Variants in RASGRP3 observed in about 807,000 individuals in gnomAD.
The protein encoded by RASGRP3 is RAS guanyl releasing protein 3.
Under a neutral mutation model 82.7 loss-of-function variants are expected in RASGRP3, and 54 were observed. The ratio of observed to expected loss-of-function variants is 0.65; its 90% CI spans 0.52 to 0.82. The LOEUF (loss-of-function observed/expected upper bound fraction) is 0.82. Among genes scored for constraint, RASGRP3 ranks in the 40% least tolerant of loss-of-function variants. The probability of loss-of-function intolerance (pLI) is 0.00; values close to 1 mark genes in which losing one functional copy is unlikely to be tolerated. For synonymous variants in RASGRP3, 309 were observed against 300.5 expected (o/e 1.03, Z -0.29); for missense variants, 861 against 828.9 (o/e 1.04, Z -0.48).
At chr2:33,499,220 G>A (rs1669622155) in intron 1 of RASGRP3, among the ~76,000 whole-genome samples, 1 of 152,122 alleles carries the variant, frequency 6.6e-6, no homozygotes, top group Non-Finnish European at 1.5e-5. Context: ...TGAACCACCT[G>A]TCTCCCTGGC....
chr2:33,481,002 G>A (rs1305445616), intron 1 of RASGRP3, among the ~76,000 whole-genome samples: 1 of 152,174 alleles, frequency 6.6e-6, no homozygotes, highest in Non-Finnish European at 1.5e-5. Flanking sequence ...GAAAGAGGGA[G>A]GGTATCATCA....
intron 15 of RASGRP3, among the ~76,000 whole-genome samples, chr2:33,557,947 G>C (rs1285660214): frequency 6.6e-6 from 1 of 152,160 alleles, no homozygotes; most frequent in African/African-American, 2.4e-5. Context: ...TTACTCCCTA[G>C]GCACAATTGC....
chr2:33,529,017 T>C (rs1258300962), intron 10 of RASGRP3, among the ~76,000 whole-genome samples: 1 of 152,192 alleles, frequency 6.6e-6, no homozygotes, highest in Non-Finnish European at 1.5e-5. Flanking sequence ...GCTTCCAGTG[T>C]CTGTGTCCAA....
intron 1 of RASGRP3, among the ~76,000 whole-genome samples, chr2:33,510,036 A>G (rs1558462945): frequency 6.6e-6 from 1 of 152,262 alleles, no homozygotes; most frequent in East Asian, 1.9e-4. Flanking sequence ...CTTTGGCATT[A>G]ATCTTTAAGA....
In RASGRP3 at chr2:33,559,023, AT is replaced by A. The variant is rs1676342987; in HGVS notation, c.2058del (p.Asp686GlufsTer67). 2.5e-6 allele frequency: 4 copies of A among 1,603,536 alleles called. No homozygotes were observed. The East Asian group carries it at 8.9e-5, about 36-fold the overall frequency. Reference protein sequence around the residue: ...DQDEGEETRQDGEDG With the variant: ...DQDEGEETRQXGEDG ...GATGAAGGAGAAGAGACCAGACAGGATGGTGAGGTAAGTGCTAGGTCAACCC... is the reference window on the plus strand; with the variant it reads ...GATGAAGGAGAAGAGACCAGACAGGAGGTGAGGTAAGTGCTAGGTCAACCC... On this transcript the variant is annotated frameshift_variant, in exon 17 of 18. Transcript: ENST00000403687. LOFTEE classifies it high-confidence loss of function.
intron 2 of RASGRP3, among the ~76,000 whole-genome samples, chr2:33,449,783 A>T (rs6543713): frequency 1.3e-5 from 2 of 152,088 alleles, no homozygotes; most frequent in Non-Finnish European, 2.9e-5. Flanking sequence ...TATTTATTAC[A>T]GTGAAAATAT....
chr2:33,505,058 G>C (rs567977096), intron 1 of RASGRP3, among the ~76,000 whole-genome samples: 2 of 152,048 alleles, frequency 1.3e-5, no homozygotes, highest in African/African-American at 4.8e-5. Context: ...GAGTTTGTTG[G>C]GGAAAAATAT....
intron 1 of RASGRP3, chr2:33,481,100 A>G (rs1461047992): frequency 6.6e-6 from 1 of 152,226 alleles, no homozygotes; most frequent in African/African-American, 2.4e-5. Context: ...GAGCTCAACT[A>G]TATCTCTTGT....
chr2:33,471,183 T>C (rs1416329832), intron 2 of RASGRP3, among the ~76,000 whole-genome samples: 1 of 150,880 alleles, frequency 6.6e-6, no homozygotes, highest in East Asian at 1.9e-4. Context: ...TTTTTCAAGA[T>C]TATTGTGGCA....
chr2:33,527,923 G>A (rs1175916176), intron 10 of RASGRP3, among the ~76,000 whole-genome samples: 3 of 152,086 alleles, frequency 2.0e-5, no homozygotes, highest in Admixed American at 1.3e-4. Flanking sequence ...AACCTTCTTT[G>A]CCATCACCCT....
chr2:33,505,525 C>T (rs1411542178), intron 1 of RASGRP3, among the ~76,000 whole-genome samples: 5 of 152,150 alleles, frequency 3.3e-5, no homozygotes, highest in African/African-American at 1.2e-4. Context: ...TGGTCTCGAA[C>T]TCCTGACCTC....
intron 2 of RASGRP3, among the ~76,000 whole-genome samples, chr2:33,462,886 A>G (rs1053484213): frequency 8.5e-5 from 13 of 152,336 alleles, no homozygotes; most frequent in Admixed American, 7.2e-4. Context: ...AATTCTGAAA[A>G]TTCTCCTTAT....
intron 14 of RASGRP3, among the ~76,000 whole-genome samples, chr2:33,552,485 A>G (rs1009858122): frequency 2.6e-5 from 4 of 152,320 alleles, no homozygotes; most frequent in East Asian, 1.9e-4. Flanking sequence ...TGTTTTTAAA[A>G]TATATTTAAT....
In RASGRP3 at chr2:33,516,603, G is replaced by C. The variant is rs778326528; in HGVS notation, c.132G>C (p.Trp44Cys). The C allele has an allele frequency of 1.3e-6, 2 of 1,592,832 alleles. No homozygotes were observed. The highest frequency in any genetic ancestry group is 1.7e-6 in the Non-Finnish European group (2 of 1,165,282). The change falls in exon 4 of 18, where the codon TGG becomes TGC. Residue 44 changes from tryptophan (W) to cysteine (C), a missense_variant. Transcript: ENST00000403687. The stretch of plus-strand genomic sequence containing the variant: ...GAATAGTTCTACTGATGCACCGATG[G>C]TATTTATCTTCCACTGAATTGGCAG... ...LPRIVLLMHR[W>C]YLSSTELAEK...
intron 13 of RASGRP3, among the ~76,000 whole-genome samples, chr2:33,545,131 C>A (rs1293890199): frequency 6.6e-6 from 1 of 152,132 alleles, no homozygotes; most frequent in African/African-American, 2.4e-5. Context: ...GTTCTAGAGA[C>A]AAAATTGAGA....
intron 1 of RASGRP3, among the ~76,000 whole-genome samples, chr2:33,490,088 G>A (rs1668721557): frequency 6.6e-6 from 1 of 152,106 alleles, no homozygotes; most frequent in African/African-American, 2.4e-5. Context: ...TATTATCCAT[G>A]TTTGTAACCA....
At chr2:33,493,045 C>G (rs1668993338) in intron 1 of RASGRP3, 1 of 152,164 alleles carries the variant, frequency 6.6e-6, no homozygotes, top group African/African-American at 2.4e-5. Flanking sequence ...GTGTGTACCT[C>G]TTCTTTAGGT....
intron 1 of RASGRP3, among the ~76,000 whole-genome samples, chr2:33,502,046 T>G (rs1161577978): frequency 6.6e-6 from 1 of 152,066 alleles, no homozygotes; most frequent in African/African-American, 2.4e-5. Flanking sequence ...GAAGAGAGGA[T>G]CAAATAGAAC....
intron 13 of RASGRP3, 53 bp downstream of exon 13, chr2:33,543,680 A>G: frequency 1.6e-6 from 2 of 1,261,242 alleles, no homozygotes; most frequent in South Asian, 1.3e-5. Context: ...GCAGAAAATT[A>G]TTATCAGAGG....
Sources: gnomAD v4.1 joint callset for allele counts (sites outside exome capture counted in the v4.1 genomes callset) on GRCh38, gnomAD v4.1.1 for gene constraint, MANE v1.5 for transcripts, NCBI Gene and HGNC (gene_info 2026-07-23, HGNC 2026-07-21) for gene names.